Variants in CDHR2 observed in about 807,000 individuals in gnomAD.
The protein encoded by CDHR2 is cadherin related family member 2, also known as cadherin-related family member 2.
In CDHR2, 104 loss-of-function variants were observed where a neutral mutation model predicts 138.6. That is an observed-to-expected ratio of 0.75 (90% CI 0.64 to 0.88). The LOEUF is 0.88. Ranked by LOEUF, CDHR2 falls within the 40% of genes least tolerant of loss-of-function variation. The pLI, the probability that CDHR2 is intolerant of heterozygous loss-of-function variation, is 0.00. For missense variants in CDHR2, 1,624 were observed against 1,727.6 expected (o/e 0.94, Z 1.06); for synonymous variants, 755 against 742.8 (o/e 1.02, Z -0.27).
upstream of CDHR2, among the ~76,000 whole-genome samples, chr5:176,548,859 G>A (rs547017124): frequency 1.4e-4 from 22 of 152,240 alleles, 1 homozygote; most frequent in South Asian, 3.7e-3. Context: ...CAACAGGCTC[G>A]AAAGTGGGTT....
chr5:176,586,663 G>T, intron 20 of CDHR2, 130 bp from the exon 21 acceptor site: 1 of 742,632 alleles, frequency 1.3e-6, no homozygotes. Context: ...GGCTGTAATA[G>T]GGGTCTCTTT....
chr5:176,550,424 C>A (rs1435027585), intron 1 of CDHR2, among the ~76,000 whole-genome samples: 1 of 152,176 alleles, frequency 6.6e-6, no homozygotes, highest in Non-Finnish European at 1.5e-5. Context: ...TCCGGGCACC[C>A]AGGCTCGGCT....
chr5:176,595,417 G>T, intron 31 of CDHR2, 115 bp from the exon 32 acceptor site: 1 of 1,210,712 alleles, frequency 8.3e-7, no homozygotes, highest in East Asian at 2.7e-5. Context: ...GGCAGGGTGG[G>T]ACCCCTGCCA....
At chr5:176,590,527 G>A in intron 27 of CDHR2, 36 bp from the exon 28 acceptor site, 1 of 1,614,060 alleles carries the variant, frequency 6.2e-7, no homozygotes, top group Admixed American at 1.7e-5. Flanking sequence ...GGCTGCTGAA[G>A]ACGAGTGTGC....
intron 1 of CDHR2, among the ~76,000 whole-genome samples, chr5:176,561,043 A>G (rs1757955398): frequency 6.6e-6 from 1 of 152,188 alleles, no homozygotes; most frequent in Non-Finnish European, 1.5e-5. Context: ...AGTTCTCCGG[A>G]AGAGAGGAAC....
At chr5:176,568,916 C>T in intron 4 of CDHR2, 44 bp from the exon 5 acceptor site, 4 of 1,612,456 alleles carry the variant, frequency 2.5e-6, no homozygotes, top group Non-Finnish European at 3.4e-6. Context: ...GTGCTCCCAC[C>T]CAGCGGGGGC....
chr5:176,543,725 A>G lies in CDHR2; in HGVS notation c.-16+956A>G, dbSNP rs1266696755. 1 of 152,258 alleles carries G rather than the reference A, an allele frequency of 6.6e-6. No individual in the cohort carries two copies. The highest frequency in any genetic ancestry group is 1.5e-5 in the Non-Finnish European group (1 of 68,092). The allele number at this position is 152,258 out of a possible 1,614,324, so 9.4% of individuals were successfully genotyped here. A position where few individuals can be genotyped will look rare whatever the true frequency, so the allele number is the denominator to read the frequency against. On this transcript the variant is annotated intron_variant, in intron 1 of 31. Transcript: ENST00000510636. The surrounding 1 kb of genome is among the most constrained non-coding windows in gnomAD (Gnocchi z 4.0). Reference sequence around the variant, plus strand: ...GCCCCGGTGGGCGCGGAGGTAGCTAATAGCTGTCTGGGGTCAGCAGATCTT... The same window carrying G: ...GCCCCGGTGGGCGCGGAGGTAGCTAGTAGCTGTCTGGGGTCAGCAGATCTT...
chr5:176,580,146 T>TCA (rs112291493), intron 16 of CDHR2, among the ~76,000 whole-genome samples: 1 of 149,804 alleles, frequency 6.7e-6, no homozygotes, highest in Non-Finnish European at 1.5e-5. Flanking sequence ...ACACACGCAC[T>TCA]CACACACACA....
intron 20 of CDHR2, among the ~76,000 whole-genome samples, chr5:176,586,487 T>C (rs1262858589): frequency 6.6e-6 from 1 of 152,240 alleles, no homozygotes; most frequent in African/African-American, 2.4e-5. Context: ...TGAGCCACCA[T>C]GCCCAGCCAA....
At chr5:176,565,578 TG>T in intron 2 of CDHR2, 93 bp from the exon 3 acceptor site, 1 of 1,284,040 alleles carries the variant, frequency 7.8e-7, no homozygotes, top group Non-Finnish European at 1.1e-6. Context: ...GTGGCCTGGG[TG>T]GCCATAAGGA....
rs183277756 is a variant in CDHR2, at chr5:176,570,820, G to A, written c.316-393G>A. ...CCAAAAACTAACTGGGTGTGGTGGT[G>A]CATGTCTGTAATCCCAGCTACTCAG... On this transcript the variant is annotated intron_variant, in intron 5 of 31. Transcript: ENST00000261944. Among the ~76,000 whole-genome samples the A allele has an allele frequency of 4.6e-5, 7 of 152,018 alleles. No homozygotes were observed. The East Asian group carries it at 7.7e-4, about 17-fold the overall frequency.
rs1270246221 is a variant in CDHR2, at chr5:176,591,701, A to G, written c.3734+217A>G. ...GATGATGACAACAATGATGGTGGTGATGATGGTGTTGGTGTTGAGGTGATG... is the reference window on the plus strand; with the variant it reads ...GATGATGACAACAATGATGGTGGTGGTGATGGTGTTGGTGTTGAGGTGATG... On this transcript the variant is annotated intron_variant, in intron 30 of 31. Coordinates refer to ENST00000261944, the MANE Select transcript of CDHR2 (RefSeq NM_017675.6). The G allele has an allele frequency of 5.5e-6, 3 of 547,606 alleles. No homozygotes were observed. The African/African-American group carries it at 6.2e-5, about 11-fold the overall frequency. 33.9% of individuals were successfully genotyped at this position (547,606 alleles called of 1,614,324 possible). A position where few individuals can be genotyped will look rare whatever the true frequency, so the allele number is the denominator to read the frequency against.
chr5:176,552,957 C>T (rs560412911), intron 1 of CDHR2, among the ~76,000 whole-genome samples: 4 of 152,274 alleles, frequency 2.6e-5, no homozygotes, highest in African/African-American at 4.8e-5. Flanking sequence ...AGAGACTGTG[C>T]GTGCATCACA....
chr5:176,589,511 G>T lies in CDHR2; in HGVS notation c.3118-17G>T. On this transcript the variant is annotated splice_polypyrimidine_tract_variant and intron_variant, in intron 23 of 31. Transcript: ENST00000261944. ...CAGGGTCCCTGGTGCCTCATCTCCT[G>T]CACACCCCCTTCCCAGCTCTTCACC... 2 of 1,613,898 alleles carry T rather than the reference G, an allele frequency of 1.2e-6. No individual in the cohort carries two copies. Among genetic ancestry groups the T allele is most frequent in the Non-Finnish European group, 1.7e-6 (2 of 1,179,876 alleles).
intron 30 of CDHR2, 133 bp from the exon 31 acceptor site, chr5:176,592,590 T>C: frequency 1.4e-6 from 1 of 718,486 alleles, no homozygotes; most frequent in Non-Finnish European, 2.5e-6. Flanking sequence ...GTTGTGATGA[T>C]GGTGGTGGTG....
At position 176,568,846 on chromosome 5, in the gene CDHR2, G is replaced by A. The variant is rs1758148779; in HGVS notation, c.264+29G>A. 5 of 1,612,946 alleles carry A rather than the reference G, an allele frequency of 3.1e-6. No homozygotes were observed. The East Asian group carries it at 1.1e-4, about 36-fold the overall frequency. On this transcript the variant is annotated intron_variant, in intron 4 of 31. Transcript: ENST00000261944. The stretch of plus-strand genomic sequence containing the variant: ...AAGAGCATCAGCCGGAGAGGGCACG[G>A]GACGCGGAGGGGGTGCTGGGAGGGC...
intron 14 of CDHR2, 54 bp from the exon 15 acceptor site, chr5:176,577,980 T>C (rs1758436207): frequency 1.1e-5 from 17 of 1,541,416 alleles, no homozygotes; most frequent in Non-Finnish European, 1.5e-5. Context: ...GCTGCATGGG[T>C]GGCGGTGCGT....
At chr5:176,591,943 ATGATGGTGATGATGACGGTGGTGGTGG>A (rs1758866010) in intron 30 of CDHR2, among the ~76,000 whole-genome samples, 1 of 128,736 alleles carries the variant, frequency 7.8e-6, no homozygotes, top group Non-Finnish European at 1.6e-5. Flanking sequence ...GATGGTGGTG[ATGATGGTGATGATGACGGTGGTGGTGG>A]TGGTGGTGTT....
At chr5:176,583,126 A>T (rs1251050765) in intron 17 of CDHR2, among the ~76,000 whole-genome samples, 1 of 152,216 alleles carries the variant, frequency 6.6e-6, no homozygotes, top group African/African-American at 2.4e-5. Context: ...AGGGCTGCAA[A>T]GAGAGAACTT....
Sources: allele counts gnomAD v4.1 joint callset (sites outside exome capture counted in the v4.1 genomes callset), GRCh38; gene constraint gnomAD v4.1.1; non-coding constraint Gnocchi (gnomAD v3.1); transcripts MANE v1.5; gene names NCBI Gene and HGNC (gene_info 2026-07-23, HGNC 2026-07-21).